The following GSK3B variants were observed in gnomAD, a reference collection of about 807,000 sequenced individuals.
The protein encoded by GSK3B is glycogen synthase kinase 3 beta, also known as glycogen synthase kinase-3 beta.
Under a neutral mutation model 56.4 loss-of-function variants are expected in GSK3B, and 15 were observed. That is an observed-to-expected ratio of 0.27 (90% CI 0.18 to 0.41). The LOEUF (loss-of-function observed/expected upper bound fraction) is 0.41. GSK3B is among the 10% of genes least tolerant of loss of function. GSK3B has a pLI of 1.00. For missense variants in GSK3B, 300 were observed against 513.4 expected (o/e 0.58, Z 4.02); for synonymous variants, 181 against 188.9 (o/e 0.96, Z 0.34).
chr3:120,022,931 C>A (rs13090721), intron 1 of GSK3B, among the ~76,000 whole-genome samples: 1,692 of 152,264 alleles, frequency 0.011, 22 homozygotes, highest in Non-Finnish European at 0.016. Context: ...CAGAGTGTCT[C>A]CCACAGTGCT....
At chr3:119,880,138 C>T (rs939641867) in intron 7 of GSK3B, among the ~76,000 whole-genome samples, 7 of 152,076 alleles carry the variant, frequency 4.6e-5, no homozygotes, top group Non-Finnish European at 7.4e-5. Flanking sequence ...TTTGATACTG[C>T]CTGTCATTTA....
At chr3:119,883,196 G>A (rs1028739972) in intron 7 of GSK3B, among the ~76,000 whole-genome samples, 3 of 151,874 alleles carry the variant, frequency 2.0e-5, no homozygotes, top group South Asian at 2.1e-4. Flanking sequence ...CTTAACACCA[G>A]GTTCTCCTTA....
chr3:119,976,952 T>A lies in GSK3B; in HGVS notation c.282+25094A>T, dbSNP rs145746523. 5.2e-4 allele frequency among the ~76,000 whole-genome samples: 79 copies of A among 152,250 alleles called. 1 individual carries two copies. In the East Asian group the frequency reaches 0.012, roughly 23 times the overall value. On this transcript the variant is annotated intron_variant, in intron 2 of 10. Coordinates refer to ENST00000264235, the MANE Select transcript of GSK3B (RefSeq NM_001146156.2). ...AACTTAAAAAGCACATTATGCCTTATATCAAGTTTTATTTCTCCTTCTCTC... is the reference window on the plus strand; with the variant it reads ...AACTTAAAAAGCACATTATGCCTTAAATCAAGTTTTATTTCTCCTTCTCTC...
At chr3:119,960,151 CAAAAA>C (rs574956694) in intron 2 of GSK3B, among the ~76,000 whole-genome samples, 22 of 74,644 alleles carry the variant, frequency 2.9e-4, no homozygotes, top group African/African-American at 5.0e-4. Flanking sequence ...TATGCTGAGA[CAAAAA>C]AAAAAAAAAA....
At chr3:120,010,170 T>A (rs569316353) in intron 1 of GSK3B, among the ~76,000 whole-genome samples, 2 of 152,278 alleles carry the variant, frequency 1.3e-5, no homozygotes, top group Admixed American at 1.3e-4. Flanking sequence ...TCCCTTCAAG[T>A]CTCATCCCTC....
chr3:120,028,247 C>T (rs2057944458), intron 1 of GSK3B, among the ~76,000 whole-genome samples: 1 of 152,118 alleles, frequency 6.6e-6, no homozygotes, highest in African/African-American at 2.4e-5. Context: ...ATGTGACTGT[C>T]CATTTAAATA....
chr3:119,981,044 T>C (rs2057455969), intron 2 of GSK3B, among the ~76,000 whole-genome samples: 1 of 152,224 alleles, frequency 6.6e-6, no homozygotes, highest in East Asian at 1.9e-4. Flanking sequence ...AATGTCACTG[T>C]AACTCTTAGC....
chr3:120,041,171 A>G, intron 1 of GSK3B: 3 of 176,438 alleles, frequency 1.7e-5, no homozygotes, highest in Non-Finnish European at 2.4e-5. Context: ...CACGGGCCAA[A>G]CCCCGAACAG....
chr3:119,916,023 G>A, intron 5 of GSK3B, 21 bp downstream of exon 5: 1 of 1,587,466 alleles, frequency 6.3e-7, no homozygotes, highest in Non-Finnish European at 8.6e-7. Context: ...GGAAGGGGCA[G>A]GGAGAGGGAC....
intron 2 of GSK3B, among the ~76,000 whole-genome samples, chr3:119,995,174 A>AG (rs1444575889): frequency 2.0e-5 from 3 of 151,628 alleles, no homozygotes; most frequent in Non-Finnish European, 4.4e-5. Context: ...AAAAAAAAAA[A>AG]AAAAATTAAA....
intron 7 of GSK3B, among the ~76,000 whole-genome samples, chr3:119,892,175 G>C (rs568357413): frequency 1.2e-4 from 18 of 152,184 alleles, no homozygotes; most frequent in African/African-American, 4.3e-4. Flanking sequence ...CTTTAAGAGC[G>C]AAGTAAAAGA....
intron 1 of GSK3B, among the ~76,000 whole-genome samples, chr3:120,049,916 G>A (rs565849477): frequency 6.6e-6 from 1 of 152,320 alleles, no homozygotes; most frequent in East Asian, 1.9e-4. Context: ...CAAGGCAGCT[G>A]CTTTAATCCA....
chr3:119,886,645 A>T (rs1189978929), intron 7 of GSK3B, among the ~76,000 whole-genome samples: 1 of 152,124 alleles, frequency 6.6e-6, no homozygotes, highest in Non-Finnish European at 1.5e-5. Context: ...ACAGTGGACT[A>T]GATAAAGAAA....
At chr3:119,909,606 T>C (rs1443097195) in intron 6 of GSK3B, among the ~76,000 whole-genome samples, 1 of 152,146 alleles carries the variant, frequency 6.6e-6, no homozygotes. Flanking sequence ...TTCAGTTCCT[T>C]CTATCACTAA....
intron 2 of GSK3B, among the ~76,000 whole-genome samples, chr3:119,968,145 C>G (rs1021667141): frequency 1.3e-5 from 2 of 152,116 alleles, no homozygotes; most frequent in Admixed American, 6.5e-5. Flanking sequence ...TGAGCCACCA[C>G]GTCCAGCCCA....
intron 9 of GSK3B, among the ~76,000 whole-genome samples, chr3:119,845,737 A>G (rs1577311631): frequency 6.6e-6 from 1 of 152,352 alleles, no homozygotes; most frequent in South Asian, 2.1e-4. Flanking sequence ...CATACTGCCC[A>G]AAGTAATTTA....
chr3:119,921,152 C>T (rs943190835), intron 4 of GSK3B, among the ~76,000 whole-genome samples: 5 of 152,174 alleles, frequency 3.3e-5, no homozygotes, highest in Admixed American at 2.6e-4. Context: ...ACACCTCATT[C>T]ATTGGTACCT....
intron 9 of GSK3B, among the ~76,000 whole-genome samples, chr3:119,856,790 C>T (rs562657942): frequency 1.2e-4 from 18 of 152,106 alleles, no homozygotes; most frequent in Non-Finnish European, 2.4e-4. Flanking sequence ...ATCAAGAGTT[C>T]CTATCCTATG....
intron 2 of GSK3B, among the ~76,000 whole-genome samples, chr3:119,967,377 GCTAT>G (rs2057327094): frequency 6.6e-6 from 1 of 152,000 alleles, no homozygotes; most frequent in African/African-American, 2.4e-5. Flanking sequence ...CGCCTGGCCA[GCTAT>G]CTTTTTTTTA....
Sources: gnomAD v4.1 joint callset for allele counts (sites outside exome capture counted in the v4.1 genomes callset) on GRCh38, gnomAD v4.1.1 for gene constraint, MANE v1.5 for transcripts, NCBI Gene and HGNC (gene_info 2026-07-23, HGNC 2026-07-21) for gene names.